EVC: variants seen among roughly 807,000 people sequenced by gnomAD.
The protein encoded by EVC is evC complex member EVC.
In EVC, 116 loss-of-function variants were observed where a neutral mutation model predicts 118.9. That is an observed-to-expected ratio of 0.98 (90% CI 0.84 to 1.14). The LOEUF is 1.14. Ranked by LOEUF, EVC falls within the 50% of genes most tolerant of loss-of-function variation. The pLI, the probability that EVC is intolerant of heterozygous loss-of-function variation, is 0.00. For synonymous variants in EVC, 619 were observed against 534.7 expected (o/e 1.16, Z -2.18); for missense variants, 1,401 against 1,246.4 (o/e 1.12, Z -1.87).
intron 3 of EVC, among the ~76,000 whole-genome samples, chr4:5,729,848 C>T (rs1172739652): frequency 6.6e-6 from 1 of 152,132 alleles, no homozygotes; most frequent in South Asian, 2.1e-4. Flanking sequence ...CCACTTTACA[C>T]GTAAGGAAAC....
chr4:5,751,340 C>T (rs775665397), intron 8 of EVC, among the ~76,000 whole-genome samples: 1 of 152,226 alleles, frequency 6.6e-6, no homozygotes, highest in Non-Finnish European at 1.5e-5. Flanking sequence ...CTCTCCACTT[C>T]CATCCTCCCT....
intron 5 of EVC, among the ~76,000 whole-genome samples, chr4:5,740,470 CA>C (rs59318619): frequency 0.042 from 4,462 of 105,472 alleles, 165 homozygotes; most frequent in African/African-American, 0.13. Flanking sequence ...TACTCCATCT[CA>C]AAAAAAAAAA....
intron 5 of EVC, among the ~76,000 whole-genome samples, chr4:5,735,940 G>A (rs1037579295): frequency 6.6e-6 from 1 of 152,186 alleles, no homozygotes; most frequent in Admixed American, 6.5e-5. Context: ...GCTGGGAGCT[G>A]TGCTGCCTGG....
intron 2 of EVC, among the ~76,000 whole-genome samples, chr4:5,728,104 G>T (rs548242221): frequency 2.6e-5 from 4 of 152,242 alleles, no homozygotes; most frequent in Admixed American, 2.6e-4. Flanking sequence ...TTCCAGTTCT[G>T]TGAAGAAAGT....
chr4:5,759,152 T>G (rs1321711783), intron 11 of EVC, among the ~76,000 whole-genome samples: 1 of 152,106 alleles, frequency 6.6e-6, no homozygotes, highest in Non-Finnish European at 1.5e-5. Context: ...ATTAGCATCT[T>G]AAGTCTCCGT....
intron 1 of EVC, among the ~76,000 whole-genome samples, chr4:5,717,928 G>A (rs1724248135): frequency 6.6e-6 from 1 of 152,214 alleles, no homozygotes; most frequent in Admixed American, 6.5e-5. Flanking sequence ...CAAAAGCAGA[G>A]GCTGTGTATT....
intron 1 of EVC, among the ~76,000 whole-genome samples, chr4:5,718,617 C>T (rs951408697): frequency 6.6e-6 from 1 of 152,134 alleles, no homozygotes; most frequent in African/African-American, 2.4e-5. Flanking sequence ...CAACTGAGCA[C>T]GTGCATGCTG....
At chr4:5,828,562 T>C in the EVC span, 3 of 1,614,208 alleles carry the variant, frequency 1.9e-6, no homozygotes, top group Non-Finnish European at 8.5e-7. Context: ...GCCCATGCCC[T>C]TGTTGACGTT....
rs367779915 is a variant in EVC, at chr4:5,754,051, A to G, written c.1464+118A>G. ...GCATGAGGTTATCTGCCTACTTCCC[A>G]TGTGTCAGCCGAGTGACCGAATCTC... is the stretch of plus-strand genomic sequence containing the variant. On this transcript the variant is annotated intron_variant, in intron 10 of 20. Coordinates refer to ENST00000264956, the MANE Select transcript of EVC (RefSeq NM_153717.3). The surrounding 1 kb of genome is among the most constrained non-coding windows in gnomAD (Gnocchi z 5.8). The G allele has an allele frequency of 2.8e-5, 37 of 1,336,204 alleles. 1 individual carries two copies. In the African/African-American group the frequency reaches 3.6e-4, roughly 13 times the overall value. The allele number at this position is 1,336,204 out of a possible 1,614,324, so 82.8% of individuals were successfully genotyped here.
intron 16 of EVC, among the ~76,000 whole-genome samples, chr4:5,803,376 G>A (rs754105092): frequency 6.6e-6 from 1 of 152,154 alleles, no homozygotes; most frequent in South Asian, 2.1e-4. Context: ...AAATAAAATC[G>A]GGGCACATGC....
Position 5,804,746 on chromosome 4 carries a change from T to C in EVC, c.2466T>C (p.Asn822=), listed in dbSNP as rs774204639. ...LKTLQGERME[N]YKLRKKQELS... ...ATGGTCTAGGTGAGAGGATGGAAAA[T>C]TACAAACTGCGGAAAAAGCAAGAAC... is the stretch of plus-strand genomic sequence containing the variant. Residue 822 remains asparagine, a synonymous_variant, in exon 17 of 21, where the codon AAT becomes AAC. Coordinates refer to ENST00000264956, the MANE Select transcript of EVC (RefSeq NM_153717.3). The C allele has an allele frequency of 2.5e-6, 4 of 1,613,728 alleles. No individual in the cohort carries two copies. Among genetic ancestry groups the C allele is most frequent in the South Asian group, 2.2e-5 (2 of 91,058 alleles).
intron 5 of EVC, among the ~76,000 whole-genome samples, chr4:5,739,224 A>G (rs1728152653): frequency 6.6e-6 from 1 of 152,202 alleles, no homozygotes; most frequent in African/African-American, 2.4e-5. Context: ...GGGGTCAGGA[A>G]GAAAGTAGAC....
the EVC span, chr4:5,821,892 G>A: frequency 1.0e-3 from 1,459 of 1,463,516 alleles, 11 homozygotes; most frequent in African/African-American, 0.019. The surrounding 1 kb of genome is among the most constrained non-coding windows in gnomAD (Gnocchi z 4.4). Flanking sequence ...GGATCTGTTA[G>A]CATCAGTTCC....
Position 5,799,966 on chromosome 4 carries a change from G to T in EVC, c.2304+1174G>T, listed in dbSNP as rs1012247510. ...AAATGGAGTAAGATAGAAGGGTGTCGTATTTTGTCCTCAGCTTTCCAGAGG... is the reference window on the plus strand; with the variant it reads ...AAATGGAGTAAGATAGAAGGGTGTCTTATTTTGTCCTCAGCTTTCCAGAGG... On this transcript the variant is annotated intron_variant, in intron 15 of 20. Coordinates refer to ENST00000264956, the MANE Select transcript of EVC (RefSeq NM_153717.3). Among the ~76,000 whole-genome samples, 5 of 152,196 alleles carry T rather than the reference G, an allele frequency of 3.3e-5. No homozygotes were observed. The South Asian group carries it at 6.2e-4, about 19-fold the overall frequency.
intron 8 of EVC, among the ~76,000 whole-genome samples, chr4:5,748,666 C>G (rs184021386): frequency 0.24 from 18,637 of 78,130 alleles, 4,797 homozygotes; most frequent in East Asian, 0.48. Context: ...CCATCCATCC[C>G]TCCATCCATC....
intron 19 of EVC, among the ~76,000 whole-genome samples, chr4:5,809,908 A>G (rs1375776578): frequency 1.3e-5 from 2 of 152,210 alleles, no homozygotes; most frequent in East Asian, 1.9e-4. Flanking sequence ...CACCCTTGCC[A>G]GCGACAACTT....
intron 8 of EVC, among the ~76,000 whole-genome samples, chr4:5,748,840 G>T (rs372058777): frequency 1.1e-5 from 1 of 87,300 alleles, no homozygotes; most frequent in East Asian, 2.9e-4. Flanking sequence ...GGCCAGCTCA[G>T]TATTACTGGA....
intron 8 of EVC, among the ~76,000 whole-genome samples, chr4:5,748,856 G>A (rs1729911971): frequency 1.1e-5 from 1 of 89,788 alleles, no homozygotes; most frequent in Non-Finnish European, 3.1e-5. Flanking sequence ...CTGGAGCATA[G>A]AACACTGGTC....
chr4:5,822,207 A>G, the EVC span, among the ~76,000 whole-genome samples: 1 of 152,232 alleles, frequency 6.6e-6, no homozygotes, highest in African/African-American at 2.4e-5. Flanking sequence ...AGGGCACACA[A>G]TCATACTATG....
Sources: allele counts gnomAD v4.1 joint callset (sites outside exome capture counted in the v4.1 genomes callset), GRCh38; gene constraint gnomAD v4.1.1; non-coding constraint Gnocchi (gnomAD v3.1); transcripts MANE v1.5; gene names NCBI Gene and HGNC (gene_info 2026-07-23, HGNC 2026-07-21).